The following FBXW7 variants were observed in gnomAD, a reference collection of about 807,000 sequenced individuals.
FBXW7 encodes the protein F-box/WD repeat-containing protein 7.
In FBXW7, 11 loss-of-function variants were observed where a neutral mutation model predicts 86.3. The ratio of observed to expected loss-of-function variants is 0.13; its 90% confidence interval spans 0.08 to 0.21. The LOEUF (loss-of-function observed/expected upper bound fraction) is 0.21, where lower values mean the gene tolerates loss of function less well. FBXW7 is among the 10% of genes least tolerant of loss of function. FBXW7 has a pLI of 1.00. For missense variants in FBXW7, 488 were observed against 847.4 expected (o/e 0.58, Z 5.27); for synonymous variants, 313 against 297.9 (o/e 1.05, Z -0.52).
intron 2 of FBXW7, among the ~76,000 whole-genome samples, chr4:152,492,736 T>C (rs2149686733): frequency 6.6e-6 from 1 of 152,282 alleles, no homozygotes; most frequent in East Asian, 1.9e-4. Context: ...ATATTACGCC[T>C]GGACCAAGAG....
chr4:152,434,906 A>T (rs1363451182), intron 2 of FBXW7, among the ~76,000 whole-genome samples: 1 of 151,762 alleles, frequency 6.6e-6, no homozygotes, highest in Non-Finnish European at 1.5e-5. Context: ...GAAGTTCTGT[A>T]GTCACTCAGG....
chr4:152,450,984 G>A (rs976236902), intron 2 of FBXW7, among the ~76,000 whole-genome samples: 2 of 152,054 alleles, frequency 1.3e-5, no homozygotes, highest in African/African-American at 4.8e-5. Context: ...GCAATATGAC[G>A]TATTTTCATT....
intron 4 of FBXW7, among the ~76,000 whole-genome samples, chr4:152,359,654 G>T (rs1216404359): frequency 1.3e-5 from 2 of 151,702 alleles, no homozygotes; most frequent in African/African-American, 2.4e-5. Flanking sequence ...CAAAAACCAC[G>T]AAGACAGGTG....
chr4:152,372,688 T>C (rs1480019445), intron 4 of FBXW7, among the ~76,000 whole-genome samples: 3 of 152,008 alleles, frequency 2.0e-5, no homozygotes, highest in Admixed American at 6.6e-5. Flanking sequence ...CTGTCTTCTA[T>C]ATTACAAGCC....
At chr4:152,502,951 G>A (rs928847858) in intron 2 of FBXW7, among the ~76,000 whole-genome samples, 1 of 152,104 alleles carries the variant, frequency 6.6e-6, no homozygotes, top group Admixed American at 6.5e-5. Context: ...TACAACAAAC[G>A]TGTTTAAAAG....
At chr4:152,506,713 T>C (rs908566139) in intron 2 of FBXW7, among the ~76,000 whole-genome samples, 6 of 152,238 alleles carry the variant, frequency 3.9e-5, no homozygotes, top group Admixed American at 1.3e-4. Flanking sequence ...AAACGTATTA[T>C]AGCAGTGTTT....
chr4:152,364,824 TGTCTCAA>T (rs1733317291), intron 4 of FBXW7, among the ~76,000 whole-genome samples: 1 of 152,154 alleles, frequency 6.6e-6, no homozygotes, highest in Non-Finnish European at 1.5e-5. Flanking sequence ...CCCTACACTT[TGTCTCAA>T]GTATCTCCAT....
At chr4:152,430,709 G>C (rs747567020) in intron 2 of FBXW7, among the ~76,000 whole-genome samples, 1 of 152,236 alleles carries the variant, frequency 6.6e-6, no homozygotes, top group South Asian at 2.1e-4. Flanking sequence ...ACATTAGAGG[G>C]AAGAAACCAG....
chr4:152,445,704 TAG>T (rs1741309522), intron 2 of FBXW7, among the ~76,000 whole-genome samples: 1 of 152,046 alleles, frequency 6.6e-6, no homozygotes, highest in African/African-American at 2.4e-5. Context: ...GGCCAGGAGT[TAG>T]AGATCAGCCT....
intron 7 of FBXW7, 37 bp from the exon 8 acceptor site, chr4:152,332,756 A>G (rs552051192): frequency 4.1e-6 from 4 of 977,634 alleles, no homozygotes; most frequent in Non-Finnish European, 4.0e-6. Context: ...CCCATATTTA[A>G]ATAAATATAT....
intron 2 of FBXW7, among the ~76,000 whole-genome samples, chr4:152,494,138 A>G (rs1214277627): frequency 6.6e-6 from 1 of 152,196 alleles, no homozygotes; most frequent in Admixed American, 6.5e-5. Context: ...AAAGTTAAAC[A>G]TACAAAAAAA....
intron 2 of FBXW7, among the ~76,000 whole-genome samples, chr4:152,417,870 G>A (rs781513104): frequency 4.4e-4 from 67 of 152,198 alleles, no homozygotes; most frequent in Non-Finnish European, 6.8e-4. Flanking sequence ...CTACCAAGCA[G>A]GGCAGAAGTA....
In FBXW7 at chr4:152,324,407, C is replaced by G. The variant is rs2126481047; in HGVS notation, c.1645-13G>C. On this transcript the variant is annotated splice_polypyrimidine_tract_variant and intron_variant, in intron 12 of 13. Coordinates refer to ENST00000281708, the MANE Select transcript of FBXW7 (RefSeq NM_001349798.2). ...GGATACCATCAAACTACAAAAGACA[C>G]AGTTTATTAGAATAGAAGTATGGAT... 2 of 1,559,728 alleles carry G rather than the reference C, an allele frequency of 1.3e-6. No homozygotes were observed. Among genetic ancestry groups the G allele is most frequent in the Non-Finnish European group, 8.7e-7 (1 of 1,147,086 alleles).
intron 2 of FBXW7, among the ~76,000 whole-genome samples, chr4:152,485,484 G>A (rs1745258033): frequency 6.8e-6 from 1 of 147,250 alleles, no homozygotes; most frequent in Non-Finnish European, 1.5e-5. Flanking sequence ...ATATATTGAT[G>A]TTATTGGTAA....
chr4:152,336,498 A>T (rs1366074899), intron 7 of FBXW7, among the ~76,000 whole-genome samples: 2 of 152,092 alleles, frequency 1.3e-5, no homozygotes, highest in Non-Finnish European at 2.9e-5. Context: ...AATACGGAGG[A>T]TATCACTAAG....
At chr4:152,381,669 C>A (rs1735085900) in intron 4 of FBXW7, among the ~76,000 whole-genome samples, 1 of 151,996 alleles carries the variant, frequency 6.6e-6, no homozygotes, top group African/African-American at 2.4e-5. Flanking sequence ...AACTGCCACA[C>A]AATAGCATGC....
intron 4 of FBXW7, among the ~76,000 whole-genome samples, chr4:152,385,126 C>CA (rs1465108717): frequency 6.6e-6 from 1 of 151,846 alleles, no homozygotes; most frequent in Non-Finnish European, 1.5e-5. Flanking sequence ...AGATTATTTT[C>CA]AAAAAAATTC....
At chr4:152,466,177 G>A (rs1032457099) in intron 2 of FBXW7, among the ~76,000 whole-genome samples, 13 of 152,072 alleles carry the variant, frequency 8.5e-5, no homozygotes, top group African/African-American at 3.1e-4. Context: ...AACATTATAG[G>A]TCAAAATACA....
At chr4:152,423,201 G>T (rs891664981) in intron 2 of FBXW7, among the ~76,000 whole-genome samples, 1 of 152,046 alleles carries the variant, frequency 6.6e-6, no homozygotes, top group East Asian at 1.9e-4. Flanking sequence ...CACTGAAGGT[G>T]GCAAAATGGT....
Sources: allele counts gnomAD v4.1 joint callset (sites outside exome capture counted in the v4.1 genomes callset), GRCh38; gene constraint gnomAD v4.1.1; transcripts MANE v1.5; gene names NCBI Gene and HGNC (gene_info 2026-07-23, HGNC 2026-07-21).